Variants in KRT35 observed in about 807,000 individuals in gnomAD.
KRT35 encodes the protein keratin, type I cuticular Ha5.
In KRT35, 33 loss-of-function variants were observed where a neutral mutation model predicts 42.2. The ratio of observed to expected loss-of-function variants is 0.78; its 90% CI spans 0.59 to 1.05. The LOEUF (loss-of-function observed/expected upper bound fraction) is 1.05, where lower values mean the gene tolerates loss of function less well. Among genes scored for constraint, KRT35 ranks in the 50% least tolerant of loss-of-function variants. The pLI, the probability that KRT35 is intolerant of heterozygous loss-of-function variation, is 0.00. For missense variants in KRT35, 585 were observed against 589.2 expected, an observed-to-expected ratio of 0.99 and a Z score of 0.07; for synonymous variants, 218 against 238.2, an observed-to-expected ratio of 0.92 and a Z score of 0.78.
At chr17:41,477,416 A>T in intron 6 of KRT35, 102 bp downstream of exon 6, 2 of 1,495,366 alleles carry the variant, frequency 1.3e-6, no homozygotes, top group Non-Finnish European at 1.8e-6. Flanking sequence ...AGAGAACAGA[A>T]CTCCAGACTC....
intron 2 of KRT35, 21 bp from the exon 3 acceptor site, chr17:41,479,524 A>G (rs773361098): frequency 3.1e-6 from 5 of 1,608,912 alleles, no homozygotes; most frequent in Non-Finnish European, 4.3e-6. Flanking sequence ...AGAACAGGGC[A>G]CCTGAGTCTG....
In KRT35 at chr17:41,478,475, C is replaced by T. The variant is rs2019211357; in HGVS notation, c.885G>A (p.Leu295=). ...EDWLDTQSEE[L]NQQVVSSSEQ... ...CTGAGCTGGACACCACCTGCTGGTT[C>T]AGCTCCTCACTCTGAAACATACACA... Residue 295 remains leucine (L), a synonymous_variant, in exon 5 of 7, where the codon CTG becomes CTA. Transcript: ENST00000246639. 2.5e-6 allele frequency: 4 copies of T among 1,613,810 alleles called. No homozygotes were observed. The highest frequency in any genetic ancestry group is 1.3e-5 in the African/African-American group (1 of 74,910).
Position 41,481,112 on chromosome 17 carries a change from A to G in KRT35, c.-15T>C. 6.4e-7 allele frequency: 1 copy of G among 1,574,420 alleles called. No individual in the cohort carries two copies. The highest frequency in any genetic ancestry group is 8.6e-7 in the Non-Finnish European group (1 of 1,158,446). On this transcript the variant is annotated 5_prime_UTR_variant, in exon 1 of 7. Coordinates refer to ENST00000246639, the MANE Select transcript of KRT35 (RefSeq NM_002280.6). ...TTGGAAGCCATGGCCCCTGCAACTC[A>G]GATGCAATTGATAGGTCTCTGAGGC...
At chr17:41,479,255 C>T in intron 3 of KRT35, 92 bp downstream of exon 3, 1 of 1,264,872 alleles carries the variant, frequency 7.9e-7, no homozygotes, top group Non-Finnish European at 1.0e-6. Flanking sequence ...CCCCTATGCT[C>T]ACCTCATCCC....
chr17:41,478,496 A>G lies in KRT35; in HGVS notation c.874-10T>C. The G allele has an allele frequency of 6.2e-7, 1 of 1,612,810 alleles. No individual in the cohort carries two copies. Among genetic ancestry groups the G allele is most frequent in the Non-Finnish European group, 8.5e-7 (1 of 1,179,154 alleles). ...GGTTCAGCTCCTCACTCTGAAACAT[A>G]CACACACAGAACCTGGTCAGCCACA... is the stretch of plus-strand genomic sequence containing the variant. On this transcript the variant is annotated splice_polypyrimidine_tract_variant and intron_variant, in intron 4 of 6. Coordinates refer to ENST00000246639, the MANE Select transcript of KRT35 (RefSeq NM_002280.6).
Position 41,481,053 on chromosome 17 carries a change from G to A in KRT35, c.45C>T (p.Leu15=). 1 of 1,613,700 alleles carries A rather than the reference G, an allele frequency of 6.2e-7. No homozygotes were observed. Among genetic ancestry groups the A allele is most frequent in the Non-Finnish European group, 8.5e-7 (1 of 1,179,920 alleles). ...CCCCACTGGCCCCTCCTGGGCTCTT[G>A]AGAGACCCAGAAGAGAAGCCGGCCT... ...CLKAGFSSGS[L]KSPGGASGGS... is the part of the protein sequence containing the mutation. Residue 15 remains leucine, a synonymous_variant, in exon 1 of 7, where the codon CTC becomes CTT. Transcript: ENST00000246639.
rs766347282 is a variant in KRT35 at position 41,477,250 on chromosome 17, C to A, written c.1221-47G>T. On this transcript the variant is annotated intron_variant, in intron 6 of 6. Coordinates refer to ENST00000246639, the MANE Select transcript of KRT35 (RefSeq NM_002280.6). ...ACTGTGATTTTCCAGTTGCTGTTTG[C>A]AGTAACTCAAAGTAGATCCTAGACT... is the stretch of plus-strand genomic sequence containing the variant. 16 of 1,603,602 alleles carry A rather than the reference C, an allele frequency of 1.0e-5. No homozygotes were observed. In the East Asian group the frequency reaches 3.1e-4, roughly 31 times the overall value.
Position 41,478,416 on chromosome 17 carries a change from T to TC in KRT35, c.943dup (p.Glu315GlyfsTer12). 1 of 1,614,096 alleles carries TC rather than the reference T, an allele frequency of 6.2e-7. No individual in the cohort carries two copies. The highest frequency in any genetic ancestry group is 8.5e-7 in the Non-Finnish European group (1 of 1,180,004). ...CAGGGCGTTGACCGTGCGTCTCAGC[T>TC]CGATGATCTCTGCCTGGCAGGACTG... On this transcript the variant is annotated frameshift_variant, in exon 5 of 7. Transcript: ENST00000246639. LOFTEE classifies it high-confidence loss of function.
At chr17:41,480,434 G>C (rs1002650515) in intron 1 of KRT35, among the ~76,000 whole-genome samples, 193 bp downstream of exon 1, 2 of 151,684 alleles carry the variant, frequency 1.3e-5, no homozygotes, top group African/African-American at 4.9e-5. Context: ...CGCTTACCCA[G>C]CCTGAATCTC....
chr17:41,479,565 C>A, intron 2 of KRT35, 62 bp from the exon 3 acceptor site: 1 of 1,589,344 alleles, frequency 6.3e-7, no homozygotes, highest in Non-Finnish European at 8.6e-7. Context: ...GTCAGGCCTG[C>A]CCTCAGACTG....
At position 41,479,463 on chromosome 17, in the gene KRT35, C is replaced by T. The variant is rs2019225713; in HGVS notation, c.595G>A (p.Asp199Asn). The T allele has an allele frequency of 6.2e-7, 1 of 1,614,080 alleles. No homozygotes were observed. The highest frequency in any genetic ancestry group is 1.3e-5 in the African/African-American group (1 of 74,922). ...AGGATCCTGCGCAGGCCGTTGATGT[C>T]TGACTCCACCAGCTGCCGCAGGGAC... ...EVSLRQLVES[D>N]INGLRRILDD... is the part of the protein sequence containing the mutation. The change falls in exon 3 of 7, where the codon GAC becomes AAC. Residue 199 changes from aspartate to asparagine, a missense_variant. Physicochemically the swap from Asp to Asn is conservative, Grantham distance 23. Coordinates refer to ENST00000246639, the MANE Select transcript of KRT35 (RefSeq NM_002280.6).
Position 41,478,241 on chromosome 17 carries a change from C to G in KRT35, c.999+120G>C, listed in dbSNP as rs886782623. 7 of 1,080,646 alleles carry G rather than the reference C, an allele frequency of 6.5e-6. No homozygotes were observed. The Admixed American group carries it at 1.0e-4, about 16-fold the overall frequency. 66.9% of individuals were successfully genotyped at this position (1,080,646 alleles called of 1,614,324 possible). ...TTCCCTCTTTTCTGCATAGAGAACC[C>G]CTGGTGCTCAAGAACATGGACCCCT... On this transcript the variant is annotated intron_variant, in intron 5 of 6. Coordinates refer to ENST00000246639, the MANE Select transcript of KRT35 (RefSeq NM_002280.6).
intron 1 of KRT35, among the ~76,000 whole-genome samples, chr17:41,480,013 G>T (rs982719100): frequency 4.0e-4 from 61 of 152,288 alleles, no homozygotes; most frequent in African/African-American, 1.4e-3. Flanking sequence ...ATAGCTGCAT[G>T]AAAATGCAAC....
Position 41,479,356 on chromosome 17 carries a change from G to T in KRT35, c.702C>A (p.Asn234Lys). The change falls in exon 3 of 7, where the codon AAC becomes AAA. Residue 234 changes from asparagine (N) to lysine (K), a missense_variant. By Grantham distance (94) the Asn-to-Lys change is moderately conservative. Transcript: ENST00000246639. Reference protein sequence around the residue: ...LKEELLCLKKNHEEEVNSLRC... With the variant: ...LKEELLCLKKKHEEEVNSLRC... The stretch of plus-strand genomic sequence containing the variant: ...TTTCCCCCATGCTCACCTCCTCATG[G>T]TTCTTCTTCAGGCAGAGCAGCTCCT... 6.2e-7 allele frequency: 1 copy of T among 1,613,346 alleles called. No homozygotes were observed. Among genetic ancestry groups the T allele is most frequent in the Non-Finnish European group, 8.5e-7 (1 of 1,179,900 alleles).
In KRT35 at chr17:41,479,503, C is replaced by G. The variant is rs769667803; in HGVS notation, c.555G>C (p.Lys185Asn). 1 of 1,613,444 alleles carries G rather than the reference C, an allele frequency of 6.2e-7. No individual in the cohort carries two copies. The highest frequency in any genetic ancestry group is 8.5e-7 in the Non-Finnish European group (1 of 1,179,534). Residue 185 changes from lysine (K) to asparagine (N), a missense_variant and splice_region_variant, in exon 3 of 7, where the codon AAG becomes AAC. Coordinates refer to ENST00000246639, the MANE Select transcript of KRT35 (RefSeq NM_002280.6). ...GCCGCAGGGACACCTCCGTCTCATA[C>G]CTGCAGGCATAGAACAGGGCACCTG... is the stretch of plus-strand genomic sequence containing the variant. ...AKLAADDFRT[K>N]YETEVSLRQL...
At position 41,478,971 on chromosome 17, in the gene KRT35, G is replaced by C. The variant is rs2019217433; in HGVS notation, c.736C>G (p.Leu246Val). 1 of 1,613,772 alleles carries C rather than the reference G, an allele frequency of 6.2e-7. No individual in the cohort carries two copies. The highest frequency in any genetic ancestry group is 1.1e-5 in the South Asian group (1 of 91,060). ...EEEVNSLRCQ[L>V]GDRLNVEVDA... ...ACCTCAACATTGAGGCGGTCACCAA[G>C]TTGGCAGCGCAGTGAGTTCACTTCC... The change falls in exon 4 of 7, where the codon CTT becomes GTT. Residue 246 changes from leucine to valine, a missense_variant. Leu to Val is a conservative substitution (Grantham distance 32). Coordinates refer to ENST00000246639, the MANE Select transcript of KRT35 (RefSeq NM_002280.6).
intron 6 of KRT35, 85 bp downstream of exon 6, chr17:41,477,433 C>T: frequency 1.9e-6 from 3 of 1,558,220 alleles, no homozygotes; most frequent in Non-Finnish European, 2.6e-6. Flanking sequence ...ACTCCGAATG[C>T]CAGGCTCTTT....
chr17:41,478,906 C>T lies in KRT35; in HGVS notation c.801G>A (p.Glu267=), dbSNP rs1171240706. 6.2e-7 allele frequency: 1 copy of T among 1,613,960 alleles called. No homozygotes were observed. The highest frequency in any genetic ancestry group is 8.5e-7 in the Non-Finnish European group (1 of 1,180,002). The change falls in exon 4 of 7, where the codon GAG becomes GAA. Residue 267 remains glutamate (E), a synonymous_variant. Transcript: ENST00000246639. ...APPVDLNRVL[E]EMRCQYETLV... ...GGGTTTCATACTGGCACCTCATCTC[C>T]TCCAGAACTCGGTTCAGGTCAACAG...
At chr17:41,479,573 CT>C (rs2019227129) in intron 2 of KRT35, 70 bp from the exon 3 acceptor site, 1 of 1,585,652 alleles carries the variant, frequency 6.3e-7, no homozygotes, top group African/African-American at 1.3e-5. Flanking sequence ...TGCCCTCAGA[CT>C]GTCCAGGTGC....
Sources: allele counts gnomAD v4.1 joint callset (sites outside exome capture counted in the v4.1 genomes callset), GRCh38; gene constraint gnomAD v4.1.1; transcripts MANE v1.5; gene names NCBI Gene and HGNC (gene_info 2026-07-23, HGNC 2026-07-21).